The following AKAP7 variants were observed in gnomAD, a reference collection of about 807,000 sequenced individuals.
AKAP7 encodes the protein A-kinase anchoring protein 7.
AKAP7 carries 39 observed loss-of-function variants against 39.5 expected under a neutral mutation model. The observed-to-expected ratio is 0.99, with a 90% CI of 0.76 to 1.29. The LOEUF is 1.29. Ranked by LOEUF, AKAP7 falls within the 50% of genes most tolerant of loss-of-function variation. The pLI, the probability that AKAP7 is intolerant of heterozygous loss-of-function variation, is 0.00. For missense variants in AKAP7, 414 were observed against 407.7 expected, an observed-to-expected ratio of 1.02 and a Z score of -0.13; for synonymous variants, 140 against 139.1, an observed-to-expected ratio of 1.01 and a Z score of -0.05.
rs1347928739 is a variant in AKAP7 at position 131,135,711 on chromosome 6, C to T, written c.-53C>T. On this transcript the variant is annotated 5_prime_UTR_variant, in exon 1 of 8. Coordinates refer to ENST00000431975, the MANE Select transcript of AKAP7 (RefSeq NM_016377.4). ...CTCGCCTCCAGCCCCGGGACGCGGC[C>T]CGCCACCGCCGCTGCCGCCAGCCCA... is the stretch of plus-strand genomic sequence containing the variant. 8.4e-6 allele frequency: 10 copies of T among 1,187,972 alleles called. No individual in the cohort carries two copies. Among genetic ancestry groups the T allele is most frequent in the South Asian group, 4.0e-5 (1 of 24,722 alleles). The allele number at this position is 1,187,972 out of a possible 1,614,324, so 73.6% of individuals were successfully genotyped here.
At chr6:131,177,909 A>G (rs1191829352) in intron 5 of AKAP7, among the ~76,000 whole-genome samples, 1 of 152,190 alleles carries the variant, frequency 6.6e-6, no homozygotes, top group Non-Finnish European at 1.5e-5. Context: ...AGCTTCCTCT[A>G]GGTGAAGGCT....
chr6:131,148,593 C>T (rs373372231), intron 2 of AKAP7, among the ~76,000 whole-genome samples: 2 of 152,222 alleles, frequency 1.3e-5, no homozygotes, highest in East Asian at 3.9e-4. Context: ...AAACGTACCC[C>T]TTAGTTATTT....
intron 7 of AKAP7, among the ~76,000 whole-genome samples, chr6:131,238,075 G>C (rs1278873596): frequency 6.6e-6 from 1 of 151,916 alleles, no homozygotes; most frequent in African/African-American, 2.4e-5. Flanking sequence ...ACACTGCTTT[G>C]AATGTGTCCC....
intron 2 of AKAP7, among the ~76,000 whole-genome samples, chr6:131,152,406 C>G (rs1801995206): frequency 6.6e-6 from 1 of 152,122 alleles, no homozygotes; most frequent in Admixed American, 6.5e-5. Flanking sequence ...TATTTTAGAA[C>G]CTACATTATA....
At chr6:131,250,060 A>G (rs893085040) in intron 7 of AKAP7, 3 of 617,238 alleles carry the variant, frequency 4.9e-6, no homozygotes, top group Non-Finnish European at 6.1e-6. Flanking sequence ...TGGGTTTTCT[A>G]TTCATAAACC....
intron 5 of AKAP7, among the ~76,000 whole-genome samples, chr6:131,174,950 C>T (rs1258849042): frequency 2.6e-5 from 4 of 151,350 alleles, no homozygotes; most frequent in Non-Finnish European, 5.9e-5. Flanking sequence ...CTTTCGACTC[C>T]TCCAGAAGTT....
rs534839300 is a variant in AKAP7, at chr6:131,168,296, C to G, written c.429-817C>G. On this transcript the variant is annotated intron_variant, in intron 4 of 7. Coordinates refer to ENST00000431975, the MANE Select transcript of AKAP7 (RefSeq NM_016377.4). ...CATGGTGGCATACACCTGTGTATTC[C>G]AGCTACTCAGGAGGCTGAGGCAGGA... Among the ~76,000 whole-genome samples, 21 of 151,918 alleles carry G rather than the reference C, an allele frequency of 1.4e-4. No homozygotes were observed. The East Asian group carries it at 4.1e-3, about 29-fold the overall frequency.
In AKAP7 at chr6:131,235,398, T is replaced by A. The variant is rs376935262; in HGVS notation, c.850+15590T>A. ...GTGCATGTGTCTTTATAGCAGCATG[T>A]TTTATAATCCTTTGGGTATATACCC... On this transcript the variant is annotated intron_variant, in intron 7 of 7. Coordinates refer to ENST00000431975, the MANE Select transcript of AKAP7 (RefSeq NM_016377.4). Among the ~76,000 whole-genome samples, 24 of 152,240 alleles carry A rather than the reference T, an allele frequency of 1.6e-4. No homozygotes were observed. The East Asian group carries it at 4.6e-3, about 29-fold the overall frequency.
chr6:131,142,588 T>A (rs1194133633), intron 1 of AKAP7, among the ~76,000 whole-genome samples: 1 of 152,226 alleles, frequency 6.6e-6, no homozygotes, highest in East Asian at 1.9e-4. Flanking sequence ...AGAAGCCTGC[T>A]GCAGCAGTGG....
chr6:131,154,910 TG>T (rs1802285435), intron 2 of AKAP7, among the ~76,000 whole-genome samples: 1 of 152,196 alleles, frequency 6.6e-6, no homozygotes. Context: ...GTAGAAGTTT[TG>T]CTATTCTGGT....
chr6:131,129,365 T>C, the AKAP7 span, among the ~76,000 whole-genome samples: 4 of 151,800 alleles, frequency 2.6e-5, no homozygotes, highest in Admixed American at 6.6e-5. Flanking sequence ...TTAGTCACAA[T>C]ATCTTGTAAA....
At chr6:131,156,778 CT>C (rs902449634) in intron 2 of AKAP7, among the ~76,000 whole-genome samples, 179 of 143,342 alleles carry the variant, frequency 1.2e-3, no homozygotes, top group Admixed American at 1.7e-3. Flanking sequence ...TTGGAGTTTC[CT>C]TTTTTTTTTT....
chr6:131,184,315 G>C, intron 5 of AKAP7: 2 of 616,954 alleles, frequency 3.2e-6, no homozygotes. Context: ...GGAGCAGGGG[G>C]GTGGCTATAT....
At chr6:131,208,449 C>T (rs1808331677) in intron 6 of AKAP7, among the ~76,000 whole-genome samples, 2 of 152,192 alleles carry the variant, frequency 1.3e-5, no homozygotes, top group Admixed American at 1.3e-4. Flanking sequence ...CCTGGTTGAT[C>T]TTGATTCTGT....
the AKAP7 span, among the ~76,000 whole-genome samples, chr6:131,130,178 C>A: frequency 6.6e-6 from 1 of 152,194 alleles, no homozygotes; most frequent in African/African-American, 2.4e-5. Flanking sequence ...GGAAATGGGG[C>A]AGTGTCTGTA....
At chr6:131,210,754 A>G (rs1266747184) in intron 6 of AKAP7, among the ~76,000 whole-genome samples, 4 of 152,174 alleles carry the variant, frequency 2.6e-5, no homozygotes, top group African/African-American at 9.7e-5. Flanking sequence ...TTGGCCATTC[A>G]TTACCTGGGA....
At chr6:131,218,730 C>A (rs1809428608) in intron 6 of AKAP7, among the ~76,000 whole-genome samples, 1 of 152,118 alleles carries the variant, frequency 6.6e-6, no homozygotes, top group African/African-American at 2.4e-5. Flanking sequence ...AATTTTTCAA[C>A]AACCAGCTGT....
chr6:131,190,964 A>T (rs1180205617), intron 5 of AKAP7, among the ~76,000 whole-genome samples: 1 of 152,226 alleles, frequency 6.6e-6, no homozygotes, highest in Admixed American at 6.5e-5. Context: ...CCTTCAGCAG[A>T]TACTGTGCTT....
At chr6:131,152,493 A>C (rs1357480536) in intron 2 of AKAP7, among the ~76,000 whole-genome samples, 2 of 152,234 alleles carry the variant, frequency 1.3e-5, no homozygotes, top group African/African-American at 4.8e-5. Flanking sequence ...ATATAAATAA[A>C]CTTTACAGAT....
Sources: allele counts gnomAD v4.1 joint callset (sites outside exome capture counted in the v4.1 genomes callset), GRCh38; gene constraint gnomAD v4.1.1; transcripts MANE v1.5; gene names NCBI Gene and HGNC (gene_info 2026-07-23, HGNC 2026-07-21).